COL5A2: variants seen among roughly 807,000 people sequenced by gnomAD.
COL5A2 encodes collagen type V alpha 2 chain.
A neutral mutation model predicts 208.2 loss-of-function variants in COL5A2; 23 were observed. The observed-to-expected ratio is 0.11, with a 90% CI of 0.08 to 0.16. COL5A2 has a LOEUF of 0.16. Among genes scored for constraint, COL5A2 ranks in the 10% least tolerant of loss-of-function variants. The pLI, the probability that COL5A2 is intolerant of heterozygous loss-of-function variation, is 1.00. For missense variants in COL5A2, 1,590 were observed against 1,956.4 expected (o/e 0.81, Z 3.53); for synonymous variants, 625 against 628.5 (o/e 0.99, Z 0.08).
upstream of COL5A2, among the ~76,000 whole-genome samples, chr2:189,227,945 T>A (rs114734388): frequency 0.013 from 1,963 of 151,956 alleles, 48 homozygotes; most frequent in African/African-American, 0.044. Flanking sequence ...AAAACAAAAC[T>A]TAACTAATTT....
In COL5A2 at chr2:189,164,166, T is replaced by C. The variant is rs572482137; in HGVS notation, c.97+15342A>G. On this transcript the variant is annotated intron_variant, in intron 1 of 53. Transcript: ENST00000374866. ...AAACTTCTAGCTCTCAGTCACCTTC[T>C]GACCCAGAGAAAAGGGATACCATGC... Among the ~76,000 whole-genome samples, 13 of 152,316 alleles carry C rather than the reference T, an allele frequency of 8.5e-5. No individual in the cohort carries two copies. In the South Asian group the frequency reaches 2.1e-3, roughly 24 times the overall value.
intron 29 of COL5A2, among the ~76,000 whole-genome samples, chr2:189,062,086 A>T (rs1686044328): frequency 6.6e-6 from 1 of 152,064 alleles, no homozygotes; most frequent in Non-Finnish European, 1.5e-5. Context: ...ATATGCCAAA[A>T]TATTTCGGAT....
At chr2:189,419,257 C>T in the COL5A2 span, among the ~76,000 whole-genome samples, 301 of 152,234 alleles carry the variant, frequency 2.0e-3, 1 homozygote, top group Non-Finnish European at 2.7e-3. Context: ...TACCAATGTA[C>T]AAGTTCTTAT....
At chr2:189,191,152 C>CAAAAAAAAAA (rs1553526750) in intron 1 of COL5A2, among the ~76,000 whole-genome samples, 1 of 21,064 alleles carries the variant, frequency 4.7e-5, no homozygotes, top group Non-Finnish European at 1.8e-4. Context: ...AAAAAAAAAA[C>CAAAAAAAAAA]AAAAAACAAA....
the COL5A2 span, among the ~76,000 whole-genome samples, chr2:189,261,057 T>C: frequency 3.9e-5 from 6 of 152,198 alleles, no homozygotes; most frequent in Non-Finnish European, 8.8e-5. Context: ...TATTTTTAAA[T>C]CCATTGAATT....
chr2:189,212,625 C>A (rs528568207), intron 1 of COL5A2, among the ~76,000 whole-genome samples: 3 of 145,708 alleles, frequency 2.1e-5, no homozygotes, highest in African/African-American at 7.9e-5. Flanking sequence ...GGCAATAGAG[C>A]AAGACTCAGT....
At chr2:189,328,289 A>C in the COL5A2 span, among the ~76,000 whole-genome samples, 1 of 152,166 alleles carries the variant, frequency 6.6e-6, no homozygotes, top group African/African-American at 2.4e-5. Flanking sequence ...TTTTCTACAC[A>C]ACGTATCTTT....
the COL5A2 span, among the ~76,000 whole-genome samples, chr2:189,244,200 A>C: frequency 1.3e-5 from 2 of 152,254 alleles, no homozygotes; most frequent in Admixed American, 1.3e-4. Flanking sequence ...AAATTTCTGC[A>C]GCTGGCTTGA....
intron 1 of COL5A2, among the ~76,000 whole-genome samples, chr2:189,145,281 C>A (rs901348161): frequency 1.3e-5 from 2 of 152,144 alleles, no homozygotes. Flanking sequence ...AAATTGCACA[C>A]GTCAGGAATT....
the COL5A2 span, among the ~76,000 whole-genome samples, chr2:189,285,748 T>A: frequency 6.6e-6 from 1 of 152,180 alleles, no homozygotes; most frequent in South Asian, 2.1e-4. Context: ...AGATAATGTA[T>A]CCCTGAAGAG....
At chr2:189,381,539 T>C in the COL5A2 span, among the ~76,000 whole-genome samples, 1 of 152,040 alleles carries the variant, frequency 6.6e-6, no homozygotes, top group Admixed American at 6.6e-5. Context: ...TGTACATTTC[T>C]TAATTGTTTA....
At chr2:189,177,853 A>G (rs548098743) in intron 1 of COL5A2, among the ~76,000 whole-genome samples, 17 of 152,342 alleles carry the variant, frequency 1.1e-4, no homozygotes, top group Admixed American at 4.6e-4. Flanking sequence ...CTTGTGAAAC[A>G]GTCCTTTCAT....
the COL5A2 span, among the ~76,000 whole-genome samples, chr2:189,317,597 A>T: frequency 6.6e-6 from 1 of 152,212 alleles, no homozygotes; most frequent in African/African-American, 2.4e-5. Context: ...TTATTTCTAC[A>T]TATTACCAAA....
intron 31 of COL5A2, among the ~76,000 whole-genome samples, chr2:189,060,020 T>C (rs1378495686): frequency 2.0e-5 from 3 of 152,142 alleles, no homozygotes; most frequent in East Asian, 3.9e-4. Context: ...TTACCCACTC[T>C]GATTTGTAAG....
the COL5A2 span, among the ~76,000 whole-genome samples, chr2:189,295,321 T>C: frequency 6.6e-6 from 1 of 152,196 alleles, no homozygotes; most frequent in Admixed American, 6.5e-5. Flanking sequence ...AAAGATTCCC[T>C]GGCTGGGGAC....
At chr2:189,062,259 C>T (rs1277538033) in intron 29 of COL5A2, among the ~76,000 whole-genome samples, 1 of 150,470 alleles carries the variant, frequency 6.6e-6, no homozygotes, top group East Asian at 1.9e-4. Flanking sequence ...TTTTGGTTCA[C>T]TACAACCTCC....
the COL5A2 span, among the ~76,000 whole-genome samples, chr2:189,282,670 T>C: frequency 6.6e-6 from 1 of 152,216 alleles, no homozygotes; most frequent in Admixed American, 6.5e-5. Flanking sequence ...AAATGAAATG[T>C]ATTCATTTTA....
the COL5A2 span, among the ~76,000 whole-genome samples, chr2:189,362,519 T>A: frequency 3.3e-5 from 5 of 152,154 alleles, no homozygotes; most frequent in African/African-American, 1.2e-4. Flanking sequence ...AGAGCACAGC[T>A]GGATGATTAA....
At chr2:189,221,729 T>C (rs1689349706) in intron 1 of COL5A2, among the ~76,000 whole-genome samples, 1 of 152,118 alleles carries the variant, frequency 6.6e-6, no homozygotes. Context: ...GATTTCTTAT[T>C]CTAATAGATC....
Sources: gnomAD v4.1 joint callset for allele counts (sites outside exome capture counted in the v4.1 genomes callset) on GRCh38, gnomAD v4.1.1 for gene constraint, MANE v1.5 for transcripts, NCBI Gene and HGNC (gene_info 2026-07-23, HGNC 2026-07-21) for gene names.